The following DLG2 variants were observed in gnomAD, a reference collection of about 807,000 sequenced individuals.
The protein encoded by DLG2 is discs large MAGUK scaffold protein 2.
Under a neutral mutation model 132.5 loss-of-function variants are expected in DLG2, and 45 were observed. The ratio of observed to expected loss-of-function variants is 0.34; its 90% CI spans 0.27 to 0.44. The LOEUF is 0.44. Ranked by LOEUF, DLG2 falls within the 20% of genes least tolerant of loss-of-function variation. The pLI is 1.00. For missense variants in DLG2, 1,045 were observed against 1,196.9 expected (o/e 0.87, Z 1.87); for synonymous variants, 424 against 419.6 (o/e 1.01, Z -0.13).
chr11:84,560,767 A>C (rs2099426315), intron 6 of DLG2, among the ~76,000 whole-genome samples: 1 of 152,062 alleles, frequency 6.6e-6, no homozygotes, highest in African/African-American at 2.4e-5. Flanking sequence ...GGGTATGCTG[A>C]AGATGGAGTA....
chr11:84,731,281 C>G (rs2063119518), intron 6 of DLG2, among the ~76,000 whole-genome samples: 1 of 152,016 alleles, frequency 6.6e-6, no homozygotes, highest in African/African-American at 2.4e-5. Flanking sequence ...TTTGAAGTAT[C>G]TACTATGTGC....
chr11:83,823,704 C>T (rs1485029244), intron 17 of DLG2, among the ~76,000 whole-genome samples: 2 of 152,046 alleles, frequency 1.3e-5, no homozygotes, highest in Non-Finnish European at 2.9e-5. Flanking sequence ...TCAGTAGCTC[C>T]GTTCTAAGTT....
At chr11:83,717,560 C>G (rs763583176) in intron 18 of DLG2, among the ~76,000 whole-genome samples, 3 of 152,122 alleles carry the variant, frequency 2.0e-5, no homozygotes, top group African/African-American at 4.8e-5. Flanking sequence ...TTCAATTAGT[C>G]TAGATGGAGA....
At chr11:83,575,888 A>G (rs540731274) in intron 19 of DLG2, among the ~76,000 whole-genome samples, 2 of 152,312 alleles carry the variant, frequency 1.3e-5, no homozygotes, top group South Asian at 4.1e-4. Context: ...GTCAAATATT[A>G]CCAGGCATAA....
intron 5 of DLG2, among the ~76,000 whole-genome samples, chr11:85,143,673 T>C (rs911214777): frequency 3.3e-5 from 5 of 151,904 alleles, no homozygotes; most frequent in African/African-American, 1.2e-4. Flanking sequence ...CTTCCTGATT[T>C]CTTCATTGAC....
chr11:85,586,542 CA>C (rs2078983602), intron 3 of DLG2, among the ~76,000 whole-genome samples: 1 of 152,146 alleles, frequency 6.6e-6, no homozygotes, highest in Non-Finnish European at 1.5e-5. Context: ...TCCGTGGTAT[CA>C]GTTGTAATAG....
At chr11:84,275,843 C>G (rs1391422926) in intron 7 of DLG2, among the ~76,000 whole-genome samples, 1 of 152,090 alleles carries the variant, frequency 6.6e-6, no homozygotes, top group Non-Finnish European at 1.5e-5. Flanking sequence ...GAGATTATAT[C>G]CATGGTGGAC....
At chr11:84,375,117 T>C (rs1485416676) in intron 7 of DLG2, among the ~76,000 whole-genome samples, 1 of 152,188 alleles carries the variant, frequency 6.6e-6, no homozygotes, top group Non-Finnish European at 1.5e-5. Context: ...CCCATTATTT[T>C]CAAATTACCC....
intron 21 of DLG2, among the ~76,000 whole-genome samples, chr11:83,518,517 C>T (rs764747640): frequency 2.9e-4 from 44 of 152,154 alleles, no homozygotes; most frequent in Non-Finnish European, 5.4e-4. Context: ...CACCCTGCTT[C>T]GGCTCATGCT....
intron 19 of DLG2, among the ~76,000 whole-genome samples, chr11:83,543,423 C>G (rs1299932331): frequency 6.6e-6 from 1 of 152,174 alleles, no homozygotes; most frequent in Non-Finnish European, 1.5e-5. Context: ...TGAAATAACA[C>G]ATATGCAGCA....
chr11:83,564,214 G>T (rs2096663458), intron 19 of DLG2, among the ~76,000 whole-genome samples: 1 of 151,942 alleles, frequency 6.6e-6, no homozygotes, highest in Admixed American at 6.6e-5. Flanking sequence ...ATTAGTTAGG[G>T]ATTCTTTTTT....
At chr11:85,577,691 T>C (rs1015913935) in intron 3 of DLG2, among the ~76,000 whole-genome samples, 2 of 152,052 alleles carry the variant, frequency 1.3e-5, no homozygotes, top group African/African-American at 4.8e-5. Flanking sequence ...CCTACCTAAG[T>C]ACAGAGTATA....
intron 6 of DLG2, among the ~76,000 whole-genome samples, chr11:84,575,647 T>A (rs944282575): frequency 3.9e-5 from 6 of 152,220 alleles, no homozygotes; most frequent in African/African-American, 1.4e-4. Flanking sequence ...AAGTGGGGTA[T>A]CTAACATCTC....
intron 18 of DLG2, among the ~76,000 whole-genome samples, chr11:83,722,926 T>A (rs1215671928): frequency 8.5e-5 from 13 of 152,216 alleles, no homozygotes; most frequent in Admixed American, 7.2e-4. Context: ...GTATGTTACA[T>A]TGCACTGTTT....
intron 5 of DLG2, among the ~76,000 whole-genome samples, chr11:85,126,672 T>A (rs147291702): frequency 4.0e-4 from 61 of 152,160 alleles, no homozygotes; most frequent in African/African-American, 1.4e-3. Flanking sequence ...TTGCAGACAT[T>A]TGGTTGGAAT....
At chr11:84,483,170 C>T (rs1000447879) in intron 7 of DLG2, among the ~76,000 whole-genome samples, 3 of 152,128 alleles carry the variant, frequency 2.0e-5, no homozygotes, top group African/African-American at 7.2e-5. Flanking sequence ...CGGTGGCTCA[C>T]ACCTGTAATC....
intron 7 of DLG2, among the ~76,000 whole-genome samples, chr11:84,318,915 AT>A (rs1718757917): frequency 6.6e-6 from 1 of 152,212 alleles, no homozygotes; most frequent in African/African-American, 2.4e-5. Flanking sequence ...GGGTGGAAGT[AT>A]AAATGGAAGG....
chr11:84,129,551 A>G (rs1276576172), intron 9 of DLG2, among the ~76,000 whole-genome samples: 1 of 152,140 alleles, frequency 6.6e-6, no homozygotes, highest in Non-Finnish European at 1.5e-5. Flanking sequence ...ATGGCCTGTC[A>G]TCTTGCCTCA....
chr11:83,538,098 T>C (rs1403285174), intron 20 of DLG2, among the ~76,000 whole-genome samples: 2 of 152,136 alleles, frequency 1.3e-5, no homozygotes, highest in Non-Finnish European at 2.9e-5. Flanking sequence ...TACAAGAAAA[T>C]TGTTTAGCAC....
Sources: allele counts gnomAD v4.1 joint callset (sites outside exome capture counted in the v4.1 genomes callset), GRCh38; gene constraint gnomAD v4.1.1; transcripts MANE v1.5; gene names NCBI Gene and HGNC (gene_info 2026-07-23, HGNC 2026-07-21).